The following CLSTN2 variants were observed in gnomAD, a reference collection of about 807,000 sequenced individuals.
CLSTN2 encodes calsyntenin 2.
In CLSTN2, 48 loss-of-function variants were observed where a neutral mutation model predicts 101.2. The observed-to-expected ratio is 0.47, with a 90% CI of 0.38 to 0.60. The LOEUF (loss-of-function observed/expected upper bound fraction) is 0.60. Among genes scored for constraint, CLSTN2 ranks in the 20% least tolerant of loss-of-function variants. The probability of loss-of-function intolerance (pLI) is 0.00; values close to 1 mark genes in which losing one functional copy is unlikely to be tolerated. For missense variants in CLSTN2, 1,160 were observed against 1,238.2 expected (o/e 0.94, Z 0.95); for synonymous variants, 481 against 463.6 (o/e 1.04, Z -0.48).
chr3:140,555,485 T>C (rs959716553), intron 10 of CLSTN2, among the ~76,000 whole-genome samples: 5 of 152,148 alleles, frequency 3.3e-5, no homozygotes, highest in African/African-American at 1.2e-4. Context: ...GGATGGGAGA[T>C]AGAAATGAGA....
chr3:140,259,751 C>G (rs887299863), intron 2 of CLSTN2, among the ~76,000 whole-genome samples: 3 of 152,106 alleles, frequency 2.0e-5, no homozygotes, highest in African/African-American at 7.2e-5. Context: ...TATATTCTGG[C>G]ATCTTTCACT....
chr3:140,236,555 T>G (rs1193935432), intron 2 of CLSTN2, among the ~76,000 whole-genome samples: 1 of 152,172 alleles, frequency 6.6e-6, no homozygotes, highest in Non-Finnish European at 1.5e-5. Flanking sequence ...TTTCTTCAAG[T>G]GCTTTTCCTG....
chr3:140,373,887 A>T (rs1365678057), intron 2 of CLSTN2, among the ~76,000 whole-genome samples: 1 of 152,210 alleles, frequency 6.6e-6, no homozygotes, highest in Non-Finnish European at 1.5e-5. Context: ...ACCTGCCAGG[A>T]CTTTCTGATA....
chr3:139,962,738 C>A (rs1343657212), intron 1 of CLSTN2, among the ~76,000 whole-genome samples: 3 of 152,098 alleles, frequency 2.0e-5, no homozygotes, highest in Non-Finnish European at 4.4e-5. Flanking sequence ...TCATTCTTTT[C>A]TATTGCTGAA....
rs573208171 is a variant in CLSTN2, at chr3:140,068,446, G to A, written c.110-107505G>A. Among the ~76,000 whole-genome samples, 7 of 152,350 alleles carry A rather than the reference G, an allele frequency of 4.6e-5. No homozygotes were observed. In the South Asian group the frequency reaches 1.0e-3, roughly 23 times the overall value. ...CTACTCCAGATGGACTCAAACCCAT[G>A]TCTTTGCCTTCTTCTTTCCATGCAA... On this transcript the variant is annotated intron_variant, in intron 1 of 16. Coordinates refer to ENST00000458420, the MANE Select transcript of CLSTN2 (RefSeq NM_022131.3).
Position 140,122,094 on chromosome 3 carries a change from G to C in CLSTN2, c.110-53857G>C, listed in dbSNP as rs1165760673. On this transcript the variant is annotated intron_variant, in intron 1 of 16. Transcript: ENST00000458420. The stretch of plus-strand genomic sequence containing the variant: ...GGAGCAGCATGAAACCAAGCTGGCT[G>C]TATCTCCCCATGGTCTCTCTCCTGT... 5.3e-5 allele frequency among the ~76,000 whole-genome samples: 8 copies of C among 152,328 alleles called. No homozygotes were observed. In the East Asian group the frequency reaches 7.7e-4, roughly 15 times the overall value.
Position 140,077,840 on chromosome 3 carries a change from G to T in CLSTN2, c.110-98111G>T, listed in dbSNP as rs188847308. 1.6e-3 allele frequency among the ~76,000 whole-genome samples: 242 copies of T among 151,676 alleles called. 4 individuals carry two copies. The highest frequency in any genetic ancestry group is 0.015 in the Admixed American group (233 of 15,210). ...TAGCTGCTTATGTTTGGAATGGCCG[G>T]TTTGCTCCCTCTCTAGCATTTAACT... On this transcript the variant is annotated intron_variant, in intron 1 of 16. Coordinates refer to ENST00000458420, the MANE Select transcript of CLSTN2 (RefSeq NM_022131.3).
intron 1 of CLSTN2, among the ~76,000 whole-genome samples, chr3:139,998,492 G>A (rs573941059): frequency 2.6e-5 from 4 of 151,382 alleles, no homozygotes; most frequent in Admixed American, 2.0e-4. Flanking sequence ...ACAGGCGCCC[G>A]CCACCACGCC....
chr3:140,295,941 C>T (rs1351474617), intron 2 of CLSTN2, among the ~76,000 whole-genome samples: 1 of 152,216 alleles, frequency 6.6e-6, no homozygotes, highest in East Asian at 1.9e-4. Flanking sequence ...TGAGAAATAA[C>T]TGAGACTAAC....
chr3:140,301,338 G>A (rs1030080447), intron 2 of CLSTN2, among the ~76,000 whole-genome samples: 5 of 152,108 alleles, frequency 3.3e-5, no homozygotes, highest in South Asian at 2.1e-4. Flanking sequence ...TCTATTACGT[G>A]GTAACATAAA....
At chr3:140,075,980 T>C (rs1449999638) in intron 1 of CLSTN2, among the ~76,000 whole-genome samples, 1 of 152,162 alleles carries the variant, frequency 6.6e-6, no homozygotes, top group Non-Finnish European at 1.5e-5. Flanking sequence ...ATATTCCCTG[T>C]GTGCAATACA....
rs528599885 is a variant in CLSTN2 at position 140,201,801 on chromosome 3, C to T, written c.232+25728C>T. ...ATAGCAAATTATATGCACGCACACA[C>T]ACATGTATATGTGTGTGTGTATGTG... On this transcript the variant is annotated intron_variant, in intron 2 of 16. Coordinates refer to ENST00000458420, the MANE Select transcript of CLSTN2 (RefSeq NM_022131.3). 4.6e-5 allele frequency among the ~76,000 whole-genome samples: 7 copies of T among 151,462 alleles called. No individual in the cohort carries two copies. The South Asian group carries it at 1.5e-3, about 32-fold the overall frequency.
chr3:140,450,516 C>T (rs1228038962), intron 6 of CLSTN2, among the ~76,000 whole-genome samples: 1 of 152,220 alleles, frequency 6.6e-6, no homozygotes, highest in Non-Finnish European at 1.5e-5. Flanking sequence ...CTCAGGAACT[C>T]ACACTGGACT....
intron 1 of CLSTN2, among the ~76,000 whole-genome samples, chr3:140,132,972 A>G (rs560484086): frequency 6.6e-6 from 1 of 152,318 alleles, no homozygotes; most frequent in South Asian, 2.1e-4. Context: ...TTTGCTAAAA[A>G]TATTTCTATA....
intron 6 of CLSTN2, 41 bp from the exon 7 acceptor site, chr3:140,459,480 G>A (rs534523593): frequency 3.0e-5 from 48 of 1,605,856 alleles, no homozygotes; most frequent in Admixed American, 2.8e-4. Context: ...TGAGGACACC[G>A]CATCATGACC....
intron 1 of CLSTN2, among the ~76,000 whole-genome samples, chr3:140,011,405 G>A (rs1455346861): frequency 2.6e-5 from 4 of 152,112 alleles, no homozygotes; most frequent in African/African-American, 7.2e-5. Flanking sequence ...ACCTTGAACT[G>A]CAGACCACCA....
chr3:140,141,003 C>T (rs1169257714), intron 1 of CLSTN2, among the ~76,000 whole-genome samples: 3 of 152,174 alleles, frequency 2.0e-5, no homozygotes, highest in African/African-American at 7.2e-5. Context: ...TGATCAAGGG[C>T]CCAAAGGCTC....
chr3:140,273,105 G>A (rs1282286759), intron 2 of CLSTN2, among the ~76,000 whole-genome samples: 1 of 152,064 alleles, frequency 6.6e-6, no homozygotes, highest in Admixed American at 6.5e-5. Context: ...TTTGAAGTCA[G>A]ACTCACCCTA....
chr3:140,539,030 T>G (rs349547), intron 9 of CLSTN2, among the ~76,000 whole-genome samples: 7,568 of 152,338 alleles, frequency 0.05, 552 homozygotes, highest in East Asian at 0.31. Context: ...GAGTTATTAA[T>G]GCAGTTCTTC....
Sources: allele counts gnomAD v4.1 joint callset (sites outside exome capture counted in the v4.1 genomes callset), GRCh38; gene constraint gnomAD v4.1.1; transcripts MANE v1.5; gene names NCBI Gene and HGNC (gene_info 2026-07-23, HGNC 2026-07-21).